NLRP14: variants seen among roughly 807,000 people sequenced by gnomAD.
The protein encoded by NLRP14 is NACHT, LRR and PYD domains-containing protein 14.
NLRP14 carries 105 observed loss-of-function variants against 94.7 expected under a neutral mutation model. The observed-to-expected ratio is 1.11, with a 90% confidence interval of 0.95 to 1.30. NLRP14 has a LOEUF of 1.30. NLRP14 is among the 50% of genes most tolerant of loss of function. The probability of loss-of-function intolerance (pLI) is 0.00; values close to 1 mark genes in which losing one functional copy is unlikely to be tolerated. For missense variants in NLRP14, 1,362 were observed against 1,254.1 expected (o/e 1.09, Z -1.30); for synonymous variants, 508 against 459.9 (o/e 1.10, Z -1.34).
intron 6 of NLRP14, among the ~76,000 whole-genome samples, chr11:7,053,212 A>T (rs1565021529): frequency 6.6e-6 from 1 of 152,046 alleles, no homozygotes; most frequent in Non-Finnish European, 1.5e-5. Flanking sequence ...TAAATTATAA[A>T]CTAATCTTTA....
At chr11:7,081,363 G>A in the NLRP14 span, among the ~76,000 whole-genome samples, 5 of 152,142 alleles carry the variant, frequency 3.3e-5, no homozygotes, top group South Asian at 2.1e-4. Flanking sequence ...GCAAGGCAGA[G>A]TCTTTGACTG....
At chr11:7,086,045 T>C in the NLRP14 span, among the ~76,000 whole-genome samples, 1 of 152,344 alleles carries the variant, frequency 6.6e-6, no homozygotes, top group Non-Finnish European at 1.5e-5. Context: ...TTTCAAATCT[T>C]TTGGTTATAT....
chr11:7,024,940 A>C (rs1157741905), intron 1 of NLRP14, among the ~76,000 whole-genome samples: 1 of 152,202 alleles, frequency 6.6e-6, no homozygotes, highest in Non-Finnish European at 1.5e-5. Flanking sequence ...ATAGGCTTAA[A>C]TAGTAGATCT....
At chr11:7,047,114 C>A (rs1355798456) in intron 5 of NLRP14, among the ~76,000 whole-genome samples, 2 of 152,094 alleles carry the variant, frequency 1.3e-5, no homozygotes, top group African/African-American at 4.8e-5. Context: ...GGCAGGTCAC[C>A]AATGCACTTT....
rs778673504 is a variant in NLRP14, at chr11:7,042,634, G to A, written c.608G>A (p.Gly203Asp). Residue 203 changes from glycine to aspartate, a missense_variant, in exon 4 of 12, where the codon GGC becomes GAC. Gly to Asp is a moderately conservative substitution (Grantham distance 94). Coordinates refer to ENST00000299481, the MANE Select transcript of NLRP14 (RefSeq NM_176822.4). ...AAGGCAATGTTAGATTGGGCAGAGG[G>A]CAGTCTCTACCAGCAGAGGTTTAAG... is the stretch of plus-strand genomic sequence containing the variant. ...VRKAMLDWAE[G>D]SLYQQRFKYV... The A allele has an allele frequency of 6.2e-7, 1 of 1,614,106 alleles. No homozygotes were observed. The highest frequency in any genetic ancestry group is 8.5e-7 in the Non-Finnish European group (1 of 1,179,952).
chr11:7,062,197 C>G, intron 9 of NLRP14, 136 bp from the exon 10 acceptor site: 1 of 717,600 alleles, frequency 1.4e-6, no homozygotes, highest in Non-Finnish European at 2.4e-6. Context: ...ATAAATTAGA[C>G]CCTCCCATGT....
chr11:7,087,444 A>G, the NLRP14 span, among the ~76,000 whole-genome samples: 1 of 152,162 alleles, frequency 6.6e-6, no homozygotes, highest in African/African-American at 2.4e-5. Flanking sequence ...TGCAAACCTC[A>G]GTGTGGCTAT....
chr11:7,057,797 G>A lies in NLRP14; in HGVS notation c.2412G>A (p.Gln804=). The A allele has an allele frequency of 2.5e-6, 4 of 1,612,538 alleles. No homozygotes were observed. The highest frequency in any genetic ancestry group is 3.4e-6 in the Non-Finnish European group (4 of 1,178,700). ...ATAATCTGTTGGATGATGGAGTGCA[G>A]CTTTTGTGTGAGGCCTTAAGACATC... is the stretch of plus-strand genomic sequence containing the variant. ...STNNLLDDGV[Q]LLCEALRHPK... Residue 804 remains glutamine (Q), a synonymous_variant, in exon 7 of 12, where the codon CAG becomes CAA. Coordinates refer to ENST00000299481, the MANE Select transcript of NLRP14 (RefSeq NM_176822.4).
chr11:7,081,808 G>A, the NLRP14 span, among the ~76,000 whole-genome samples: 2 of 152,114 alleles, frequency 1.3e-5, no homozygotes, highest in African/African-American at 4.8e-5. Context: ...TTTTATATGA[G>A]ATCTCATTAT....
intron 6 of NLRP14, among the ~76,000 whole-genome samples, chr11:7,057,091 A>G (rs1852527110): frequency 6.6e-6 from 1 of 152,070 alleles, no homozygotes; most frequent in Non-Finnish European, 1.5e-5. Context: ...ATTACTCCCC[A>G]ACATGTACAA....
intron 1 of NLRP14, among the ~76,000 whole-genome samples, chr11:7,022,527 G>A (rs1388532): frequency 0.021 from 3,261 of 152,202 alleles, 51 homozygotes; most frequent in Middle Eastern, 0.031. Flanking sequence ...GGGATTTAGG[G>A]GCCAAGATCC....
chr11:7,057,914 T>TC, intron 7 of NLRP14, 67 bp downstream of exon 7: 1 of 1,345,618 alleles, frequency 7.4e-7, no homozygotes, highest in Non-Finnish European at 1.1e-6. Flanking sequence ...AATTGTGATC[T>TC]GATAGGGAAA....
intron 1 of NLRP14, among the ~76,000 whole-genome samples, chr11:7,033,373 A>G (rs1162109998): frequency 6.6e-6 from 1 of 152,174 alleles, no homozygotes; most frequent in Admixed American, 6.5e-5. Flanking sequence ...TTGTCACCCA[A>G]TTTCCCCAAT....
the NLRP14 span, chr11:7,090,293 A>G: frequency 6.3e-7 from 1 of 1,596,624 alleles, no homozygotes; most frequent in Non-Finnish European, 8.5e-7. Flanking sequence ...GCCGGAGCAG[A>G]TACTAAGCAG....
the NLRP14 span, among the ~76,000 whole-genome samples, chr11:7,081,687 C>T: frequency 2.0e-5 from 3 of 152,240 alleles, no homozygotes; most frequent in African/African-American, 7.2e-5. Context: ...GTACATAAGG[C>T]AAGGAAGGGG....
chr11:7,063,954 C>T (rs1292322193), intron 10 of NLRP14, among the ~76,000 whole-genome samples: 1 of 152,062 alleles, frequency 6.6e-6, no homozygotes, highest in African/African-American at 2.4e-5. Flanking sequence ...AAAAGCAGCC[C>T]TCCTCCCCAG....
intron 1 of NLRP14, among the ~76,000 whole-genome samples, chr11:7,030,677 T>C (rs1852077881): frequency 6.6e-6 from 1 of 152,176 alleles, no homozygotes; most frequent in Non-Finnish European, 1.5e-5. Flanking sequence ...GATATTTTAT[T>C]CACTGCTAGA....
chr11:7,038,234 T>C (rs1342224854), intron 1 of NLRP14, among the ~76,000 whole-genome samples: 1 of 152,182 alleles, frequency 6.6e-6, no homozygotes, highest in African/African-American at 2.4e-5. Context: ...ATACTAAAAT[T>C]AGAGGTTGGC....
the NLRP14 span, among the ~76,000 whole-genome samples, chr11:7,088,404 G>T: frequency 6.6e-6 from 1 of 152,136 alleles, no homozygotes; most frequent in Non-Finnish European, 1.5e-5. Flanking sequence ...CCAGTGCATA[G>T]AGAATAAGTT....
Sources: gnomAD v4.1 joint callset for allele counts (sites outside exome capture counted in the v4.1 genomes callset) on GRCh38, gnomAD v4.1.1 for gene constraint, MANE v1.5 for transcripts, NCBI Gene and HGNC (gene_info 2026-07-23, HGNC 2026-07-21) for gene names.